Variants in TAFA2 observed in about 807,000 individuals in gnomAD.
The protein encoded by TAFA2 is chemokine-like protein TAFA-2.
Under a neutral mutation model 18.8 loss-of-function variants are expected in TAFA2, and 7 were observed. The observed-to-expected ratio is 0.37, with a 90% CI of 0.21 to 0.70. The LOEUF is 0.70. Among genes scored for constraint, TAFA2 ranks in the 30% least tolerant of loss-of-function variants. The probability of loss-of-function intolerance (pLI) is 0.53; values close to 1 mark genes in which losing one functional copy is unlikely to be tolerated. For missense variants in TAFA2, 122 were observed against 158.1 expected (o/e 0.77, Z 1.23); for synonymous variants, 60 against 54.2 (o/e 1.11, Z -0.47).
At chr12:62,215,978 T>C (rs539201087) in intron 1 of TAFA2, among the ~76,000 whole-genome samples, 168 of 152,206 alleles carry the variant, frequency 1.1e-3, no homozygotes, top group African/African-American at 3.9e-3. Context: ...TGTATCACCA[T>C]GGCAAGTGAA....
chr12:61,884,184 G>C (rs1875267871), intron 1 of TAFA2, among the ~76,000 whole-genome samples: 1 of 152,154 alleles, frequency 6.6e-6, no homozygotes, highest in Non-Finnish European at 1.5e-5. Context: ...GTATTAAGCG[G>C]AGGAATAAGA....
At chr12:62,237,760 C>A (rs2062844817) in intron 1 of TAFA2, among the ~76,000 whole-genome samples, 1 of 152,114 alleles carries the variant, frequency 6.6e-6, no homozygotes. Context: ...TTAGATGGTG[C>A]ATTAAGCCCC....
At position 61,901,387 on chromosome 12, in the gene TAFA2, A is replaced by ATATTT. The variant is rs1301646967; in HGVS notation, c.-1-33962_-1-33961insAAATA. ...GGTGCGCTGCACCCACTAATGTGTC[A>ATATTT]TCTAGCATTAGGTATATCTCCCAAT... On this transcript the variant is annotated intron_variant, in intron 1 of 4. Transcript: ENST00000416284. Among the ~76,000 whole-genome samples, 47 of 135,622 alleles carry ATATTT rather than the reference A, an allele frequency of 3.5e-4. 17 individuals carry two copies. Among genetic ancestry groups the ATATTT allele is most frequent in the East Asian group, 1.7e-3 (8 of 4,600 alleles). The allele number at this position is 135,622 out of a possible 152,430, so 89.0% of individuals were successfully genotyped here.
intron 1 of TAFA2, among the ~76,000 whole-genome samples, chr12:62,036,156 A>G (rs1191958350): frequency 1.3e-5 from 2 of 152,188 alleles, no homozygotes; most frequent in Non-Finnish European, 2.9e-5. Context: ...TGTGAGAACC[A>G]AACATGACTC....
At chr12:61,979,938 T>C (rs1879571488) in intron 1 of TAFA2, among the ~76,000 whole-genome samples, 1 of 152,110 alleles carries the variant, frequency 6.6e-6, no homozygotes, top group Non-Finnish European at 1.5e-5. Flanking sequence ...CCACCCCATA[T>C]CTCATAGGCA....
chr12:61,785,711 A>C (rs1870709648), intron 2 of TAFA2, among the ~76,000 whole-genome samples: 1 of 151,500 alleles, frequency 6.6e-6, no homozygotes, highest in South Asian at 2.1e-4. Context: ...TACATGTTGA[A>C]TCTGAGACAG....
intron 1 of TAFA2, among the ~76,000 whole-genome samples, chr12:62,110,612 CTTTT>C (rs68008958): frequency 3.8e-5 from 4 of 104,786 alleles, no homozygotes; most frequent in Admixed American, 1.1e-4. Flanking sequence ...TGGTCCTGGG[CTTTT>C]TTTTTTTTTT....
intron 1 of TAFA2, among the ~76,000 whole-genome samples, chr12:61,975,998 A>C (rs1256507093): frequency 6.6e-6 from 1 of 151,796 alleles, no homozygotes; most frequent in Non-Finnish European, 1.5e-5. Context: ...CACATGGTAC[A>C]CCTTAAATAC....
chr12:62,079,400 C>A (rs1302059588), intron 1 of TAFA2, among the ~76,000 whole-genome samples: 3 of 151,922 alleles, frequency 2.0e-5, no homozygotes, highest in Admixed American at 2.0e-4. Context: ...CACCTGTAAT[C>A]CCAGCACTTT....
chr12:61,878,194 A>G (rs1874952066), intron 1 of TAFA2: 3 of 432,750 alleles, frequency 6.9e-6, no homozygotes, highest in Non-Finnish European at 1.4e-5. Context: ...GAGTTTTTGT[A>G]CAGGATGACT....
intron 1 of TAFA2, among the ~76,000 whole-genome samples, chr12:61,988,873 C>A (rs572209191): frequency 3.3e-5 from 5 of 152,074 alleles, no homozygotes; most frequent in African/African-American, 1.2e-4. Context: ...TAAAGATTAT[C>A]TTTTGACACT....
At chr12:61,769,041 G>A (rs1195149388) in intron 2 of TAFA2, among the ~76,000 whole-genome samples, 1 of 151,932 alleles carries the variant, frequency 6.6e-6, no homozygotes, top group Non-Finnish European at 1.5e-5. Flanking sequence ...AGGCTGCATG[G>A]AAGCTGGCTG....
chr12:62,172,383 G>A (rs2062484359), intron 1 of TAFA2, among the ~76,000 whole-genome samples: 1 of 152,106 alleles, frequency 6.6e-6, no homozygotes. Context: ...AGGTGTCTTC[G>A]ATGTAAATTG....
At chr12:62,097,422 A>G (rs891897130) in intron 1 of TAFA2, among the ~76,000 whole-genome samples, 7 of 152,164 alleles carry the variant, frequency 4.6e-5, no homozygotes, top group Non-Finnish European at 8.8e-5. Flanking sequence ...CCTGAAACCA[A>G]TGAGAGCTTG....
chr12:61,764,203 T>C (rs1011545713), intron 2 of TAFA2, among the ~76,000 whole-genome samples: 1 of 140,998 alleles, frequency 7.1e-6, no homozygotes, highest in Non-Finnish European at 1.5e-5. Context: ...AAAGGAGAAA[T>C]GGTCCATTTT....
chr12:62,047,464 C>A (rs10784280), intron 1 of TAFA2, among the ~76,000 whole-genome samples: 67,801 of 151,848 alleles, frequency 0.45, 15,480 homozygotes, highest in Middle Eastern at 0.58. Flanking sequence ...ATTACTTCTG[C>A]TAATATTTAG....
intron 4 of TAFA2, among the ~76,000 whole-genome samples, chr12:61,750,136 A>G (rs1868943001): frequency 6.6e-6 from 1 of 151,970 alleles, no homozygotes; most frequent in Non-Finnish European, 1.5e-5. Flanking sequence ...ATTAGCTTAT[A>G]ATTATGCACT....
At chr12:62,107,959 T>C (rs1361121939) in intron 1 of TAFA2, among the ~76,000 whole-genome samples, 2 of 152,162 alleles carry the variant, frequency 1.3e-5, no homozygotes, top group Non-Finnish European at 2.9e-5. Context: ...CATGGCTTTT[T>C]TACCACACTT....
intron 1 of TAFA2, among the ~76,000 whole-genome samples, chr12:61,874,823 A>C (rs1001157291): frequency 6.6e-6 from 1 of 152,172 alleles, no homozygotes; most frequent in Non-Finnish European, 1.5e-5. Flanking sequence ...GCTAAGCTAC[A>C]TCACCATGCA....
Sources: allele counts gnomAD v4.1 joint callset (sites outside exome capture counted in the v4.1 genomes callset), GRCh38; gene constraint gnomAD v4.1.1; transcripts MANE v1.5; gene names NCBI Gene and HGNC (gene_info 2026-07-23, HGNC 2026-07-21).